The following RNF212B variants were observed in gnomAD, a reference collection of about 807,000 sequenced individuals.
RNF212B encodes the protein ring finger protein 212B.
A neutral mutation model predicts 55.5 loss-of-function variants in RNF212B; 52 were observed. That is an observed-to-expected ratio of 0.94 (90% CI 0.75 to 1.18). RNF212B has a LOEUF of 1.18. RNF212B is among the 50% of genes most tolerant of loss of function. The pLI is 0.00. For synonymous variants in RNF212B, 99 were observed against 121.4 expected (o/e 0.82, Z 1.21); for missense variants, 289 against 350.4 (o/e 0.82, Z 1.40).
At chr14:23,271,400 G>A (rs1452656410) in intron 14 of RNF212B, among the ~76,000 whole-genome samples, 5 of 150,844 alleles carry the variant, frequency 3.3e-5, no homozygotes, top group Admixed American at 6.6e-5. Context: ...CCGAGATTGC[G>A]CCACTGCACT....
At chr14:23,193,910 T>C (rs879719235) in intron 2 of RNF212B, among the ~76,000 whole-genome samples, 11 of 152,140 alleles carry the variant, frequency 7.2e-5, no homozygotes, top group Non-Finnish European at 1.5e-4. Context: ...GGCGCGATCT[T>C]GGCTCACTGC....
At chr14:23,270,526 C>T in intron 13 of RNF212B, 74 bp from the exon 14 acceptor site, 4 of 1,027,868 alleles carry the variant, frequency 3.9e-6, no homozygotes, top group Non-Finnish European at 6.0e-6. Flanking sequence ...TACCTCATTA[C>T]CCTGACCCAC....
At chr14:23,231,254 C>T (rs1398453629) in intron 2 of RNF212B, among the ~76,000 whole-genome samples, 1 of 152,112 alleles carries the variant, frequency 6.6e-6, no homozygotes, top group Non-Finnish European at 1.5e-5. Context: ...AAGTCTTGTG[C>T]CTCTCCTTGA....
intron 11 of RNF212B, among the ~76,000 whole-genome samples, chr14:23,268,723 G>T (rs950106087): frequency 2.0e-5 from 3 of 152,204 alleles, no homozygotes; most frequent in African/African-American, 7.2e-5. Flanking sequence ...TCAGCCCACA[G>T]ACTCATGAAA....
chr14:23,218,210 T>C (rs1881266403), intron 2 of RNF212B, among the ~76,000 whole-genome samples: 1 of 151,386 alleles, frequency 6.6e-6, no homozygotes, highest in Admixed American at 6.6e-5. Flanking sequence ...CTACTAAAAA[T>C]ACAAAAAATT....
intron 4 of RNF212B, among the ~76,000 whole-genome samples, chr14:23,255,862 A>C (rs1884791810): frequency 6.6e-6 from 1 of 152,228 alleles, no homozygotes; most frequent in Non-Finnish European, 1.5e-5. Context: ...TTACTGAGTT[A>C]GATTTTAGAA....
chr14:23,243,112 A>T, intron 2 of RNF212B, 144 bp from the exon 3 acceptor site: 1 of 594,904 alleles, frequency 1.7e-6, no homozygotes, highest in Non-Finnish European at 3.0e-6. Context: ...ATGTCCTTTT[A>T]TAACACAATG....
At chr14:23,188,804 G>A (rs1308976843) in intron 1 of RNF212B, among the ~76,000 whole-genome samples, 2 of 152,096 alleles carry the variant, frequency 1.3e-5, no homozygotes, top group Non-Finnish European at 2.9e-5. Context: ...CAAGTTCCCT[G>A]AGGGCAAAGA....
chr14:23,212,668 G>A (rs1266744377), intron 2 of RNF212B, among the ~76,000 whole-genome samples: 1 of 151,806 alleles, frequency 6.6e-6, no homozygotes, highest in Non-Finnish European at 1.5e-5. Context: ...TGCAAGCTCC[G>A]CCTCCTGGGT....
intron 2 of RNF212B, among the ~76,000 whole-genome samples, chr14:23,196,796 G>A (rs1209433842): frequency 1.3e-5 from 2 of 152,038 alleles, no homozygotes; most frequent in African/African-American, 2.4e-5. Flanking sequence ...GCTTCTCTTC[G>A]CCCTTAGCCT....
intron 9 of RNF212B, among the ~76,000 whole-genome samples, chr14:23,263,243 A>C (rs930232234): frequency 6.6e-6 from 1 of 152,200 alleles, no homozygotes; most frequent in African/African-American, 2.4e-5. Flanking sequence ...CCACTATAAA[A>C]CCCAATGAAG....
chr14:23,263,116 T>C, intron 9 of RNF212B, 146 bp downstream of exon 9: 2 of 693,496 alleles, frequency 2.9e-6, no homozygotes, highest in Non-Finnish European at 5.0e-6. Context: ...TAAGCCAAAC[T>C]GTATCCAGCT....
At chr14:23,187,982 A>G (rs376324706) in intron 1 of RNF212B, 1 of 152,242 alleles carries the variant, frequency 6.6e-6, no homozygotes, top group Non-Finnish European at 1.5e-5. Context: ...AAAGAAAGGA[A>G]GATGAAATGA....
chr14:23,261,805 C>T (rs1594945698), intron 7 of RNF212B, among the ~76,000 whole-genome samples: 1 of 151,928 alleles, frequency 6.6e-6, no homozygotes, highest in Admixed American at 6.6e-5. Flanking sequence ...ACTAAAAATA[C>T]AAAAACAAAA....
At chr14:23,212,207 C>G (rs1429337620) in intron 2 of RNF212B, among the ~76,000 whole-genome samples, 1 of 152,184 alleles carries the variant, frequency 6.6e-6, no homozygotes, top group Non-Finnish European at 1.5e-5. Context: ...TGCTTTTTCC[C>G]TATGATCAAG....
At chr14:23,208,042 C>A (rs1880020331) in intron 2 of RNF212B, among the ~76,000 whole-genome samples, 1 of 152,162 alleles carries the variant, frequency 6.6e-6, no homozygotes, top group South Asian at 2.1e-4. Flanking sequence ...ACAGGGGTGA[C>A]TTTGAAGAGA....
chr14:23,246,201 C>G (rs907114135), intron 4 of RNF212B, among the ~76,000 whole-genome samples: 8 of 151,408 alleles, frequency 5.3e-5, no homozygotes, highest in African/African-American at 1.9e-4. Context: ...GTGGCAAGAT[C>G]TCAGCTCACT....
At chr14:23,251,941 C>G (rs1481292931) in intron 4 of RNF212B, among the ~76,000 whole-genome samples, 1 of 152,156 alleles carries the variant, frequency 6.6e-6, no homozygotes, top group African/African-American at 2.4e-5. Flanking sequence ...CCAGCACCTC[C>G]AAGTGTTCAC....
chr14:23,227,826 T>C (rs1882169527), intron 2 of RNF212B, among the ~76,000 whole-genome samples: 1 of 152,090 alleles, frequency 6.6e-6, no homozygotes. Context: ...CTCAAACTCC[T>C]GGACTCAGGT....
Sources: allele counts gnomAD v4.1 joint callset (sites outside exome capture counted in the v4.1 genomes callset), GRCh38; gene constraint gnomAD v4.1.1; transcripts MANE v1.5; gene names NCBI Gene and HGNC (gene_info 2026-07-23, HGNC 2026-07-21).